RBFOX1: variants seen among roughly 807,000 people sequenced by gnomAD.
RBFOX1 encodes RNA binding protein fox-1 homolog 1.
In RBFOX1, 8 loss-of-function variants were observed where a neutral mutation model predicts 57.7. The ratio of observed to expected loss-of-function variants is 0.14; its 90% CI spans 0.08 to 0.25. The LOEUF (loss-of-function observed/expected upper bound fraction) is 0.25, where lower values mean the gene tolerates loss of function less well. Ranked by LOEUF, RBFOX1 falls within the 10% of genes least tolerant of loss-of-function variation. The probability of loss-of-function intolerance (pLI) is 1.00; values close to 1 mark genes in which losing one functional copy is unlikely to be tolerated. For synonymous variants in RBFOX1, 326 were observed against 222.4 expected, an observed-to-expected ratio of 1.47 and a Z score of -4.15; for missense variants, 611 against 548.5, an observed-to-expected ratio of 1.11 and a Z score of -1.14.
chr16:6,839,864 G>A (rs991350749), intron 3 of RBFOX1, among the ~76,000 whole-genome samples: 7 of 152,086 alleles, frequency 4.6e-5, no homozygotes, highest in African/African-American at 1.4e-4. Context: ...GATATTTGGG[G>A]TATCTTTTCC....
At chr16:7,266,299 T>G (rs1227844691) in intron 4 of RBFOX1, among the ~76,000 whole-genome samples, 1 of 151,970 alleles carries the variant, frequency 6.6e-6, no homozygotes, top group African/African-American at 2.4e-5. Flanking sequence ...GATTTTAAAG[T>G]GTGTGGCACC....
intron 11 of RBFOX1, among the ~76,000 whole-genome samples, chr16:7,640,699 T>C (rs1166316194): frequency 6.6e-6 from 1 of 152,152 alleles, no homozygotes; most frequent in Non-Finnish European, 1.5e-5. Flanking sequence ...TGACAGAAAG[T>C]GTTTTTTAAT....
chr16:6,272,826 C>G (rs780193090), intron 1 of RBFOX1, among the ~76,000 whole-genome samples: 2 of 151,998 alleles, frequency 1.3e-5, no homozygotes, highest in African/African-American at 4.8e-5. Flanking sequence ...AAAGGCAATT[C>G]AATAGAGGAA....
intron 1 of RBFOX1, among the ~76,000 whole-genome samples, chr16:6,183,428 C>T (rs1427814948): frequency 3.3e-5 from 5 of 151,328 alleles, no homozygotes; most frequent in South Asian, 2.1e-4. Flanking sequence ...TGCAGTGAGC[C>T]GAGATCGCGC....
At chr16:6,363,452 C>T (rs1342556152) in intron 2 of RBFOX1, among the ~76,000 whole-genome samples, 1 of 152,196 alleles carries the variant, frequency 6.6e-6, no homozygotes, top group Non-Finnish European at 1.5e-5. Flanking sequence ...GGAGACTGAT[C>T]TCGAGATGTT....
chr16:6,963,402 T>C (rs987450782), intron 3 of RBFOX1, among the ~76,000 whole-genome samples: 1 of 152,066 alleles, frequency 6.6e-6, no homozygotes, highest in Non-Finnish European at 1.5e-5. Flanking sequence ...ACACTTGAAA[T>C]AAAAATGTGT....
chr16:7,216,002 C>T (rs138616495), intron 4 of RBFOX1, among the ~76,000 whole-genome samples: 2,393 of 152,222 alleles, frequency 0.016, 35 homozygotes, highest in East Asian at 0.053. Context: ...AGATTACAGG[C>T]GTGAGCCACC....
chr16:6,583,479 T>C (rs1462093256), intron 2 of RBFOX1, among the ~76,000 whole-genome samples: 1 of 152,246 alleles, frequency 6.6e-6, no homozygotes, highest in African/African-American at 2.4e-5. Context: ...GAACAGTGCT[T>C]AGTCAATGGA....
chr16:5,670,490 A>C (rs779151216), intron 3 of RBFOX1, among the ~76,000 whole-genome samples: 1 of 152,200 alleles, frequency 6.6e-6, no homozygotes, highest in Non-Finnish European at 1.5e-5. Flanking sequence ...GCTATGGAAG[A>C]TATGGGAACA....
intron 2 of RBFOX1, among the ~76,000 whole-genome samples, chr16:5,502,347 T>C (rs1371325583): frequency 1.3e-5 from 2 of 149,372 alleles, no homozygotes; most frequent in East Asian, 3.9e-4. Flanking sequence ...ATGGGGACAC[T>C]GTAAGGGTGG....
intron 2 of RBFOX1, among the ~76,000 whole-genome samples, chr16:6,488,488 G>T (rs183794679): frequency 5.3e-5 from 8 of 152,140 alleles, no homozygotes; most frequent in African/African-American, 1.9e-4. Flanking sequence ...TATTTTCTCT[G>T]TTCTTACAAC....
At chr16:7,007,925 C>G (rs1207363115) in intron 3 of RBFOX1, among the ~76,000 whole-genome samples, 1 of 152,090 alleles carries the variant, frequency 6.6e-6, no homozygotes. Context: ...GCTGGGGCCT[C>G]CTAGTACAAC....
chr16:7,522,738 A>G (rs115083981), intron 5 of RBFOX1, among the ~76,000 whole-genome samples: 10 of 152,332 alleles, frequency 6.6e-5, no homozygotes, highest in South Asian at 2.1e-4. Flanking sequence ...GGTGCAGGAA[A>G]GAAAGTGATG....
chr16:7,428,479 A>T (rs1006397476), intron 4 of RBFOX1, among the ~76,000 whole-genome samples: 2 of 146,754 alleles, frequency 1.4e-5, no homozygotes, highest in Admixed American at 6.8e-5. Flanking sequence ...GGCATCCACT[A>T]CCACTCCTGG....
chr16:5,628,460 A>G (rs1001412679), intron 3 of RBFOX1, among the ~76,000 whole-genome samples: 5 of 152,112 alleles, frequency 3.3e-5, no homozygotes, highest in African/African-American at 1.2e-4. Flanking sequence ...CACCATAGTG[A>G]TCATGCTGTG....
At chr16:7,326,442 A>T (rs1419005398) in intron 4 of RBFOX1, among the ~76,000 whole-genome samples, 1 of 152,124 alleles carries the variant, frequency 6.6e-6, no homozygotes, top group African/African-American at 2.4e-5. Context: ...GAACAGCAAC[A>T]TCTGTATGGG....
intron 4 of RBFOX1, among the ~76,000 whole-genome samples, chr16:7,421,398 G>A (rs1032785390): frequency 3.3e-5 from 5 of 152,140 alleles, no homozygotes; most frequent in African/African-American, 4.8e-5. Context: ...TTCCATCTAG[G>A]ACTGTTTATA....
chr16:5,451,186 G>T (rs2068416051), intron 1 of RBFOX1, among the ~76,000 whole-genome samples: 1 of 152,126 alleles, frequency 6.6e-6, no homozygotes, highest in Non-Finnish European at 1.5e-5. Flanking sequence ...TTCTTCCTCT[G>T]CTCTGATTGG....
intron 1 of RBFOX1, among the ~76,000 whole-genome samples, chr16:6,128,992 G>A (rs2096610262): frequency 6.6e-6 from 1 of 152,122 alleles, no homozygotes; most frequent in South Asian, 2.1e-4. Context: ...AGCACAACAG[G>A]ATCAAATGAC....
Sources: gnomAD v4.1 joint callset for allele counts (sites outside exome capture counted in the v4.1 genomes callset) on GRCh38, gnomAD v4.1.1 for gene constraint, MANE v1.5 for transcripts, NCBI Gene and HGNC (gene_info 2026-07-23, HGNC 2026-07-21) for gene names.